Variants in CLRN2 observed in about 807,000 individuals in gnomAD.
CLRN2 encodes the protein clarin 2, also known as clarin-2.
In CLRN2, 17 loss-of-function variants were observed where a neutral mutation model predicts 20.1. The ratio of observed to expected loss-of-function variants is 0.85; its 90% CI spans 0.58 to 1.27. The LOEUF (loss-of-function observed/expected upper bound fraction) is 1.27. Among genes scored for constraint, CLRN2 ranks in the 50% most tolerant of loss-of-function variants. The pLI is 0.00. For synonymous variants in CLRN2, 140 were observed against 126.9 expected, an observed-to-expected ratio of 1.10 and a Z score of -0.70; for missense variants, 288 against 299.5, an observed-to-expected ratio of 0.96 and a Z score of 0.28.
intron 1 of CLRN2, among the ~76,000 whole-genome samples, chr4:17,515,857 C>A (rs996645056): frequency 2.0e-5 from 3 of 152,192 alleles, no homozygotes; most frequent in Admixed American, 2.0e-4. Context: ...TAAAGCCTTA[C>A]AACAAAGTTA....
At chr4:17,522,115 T>G (rs1272721142) in intron 1 of CLRN2, among the ~76,000 whole-genome samples, 1 of 152,222 alleles carries the variant, frequency 6.6e-6, no homozygotes, top group Non-Finnish European at 1.5e-5. Context: ...GTTTATAAAA[T>G]CTACCTCATG....
intron 1 of CLRN2, among the ~76,000 whole-genome samples, chr4:17,517,415 C>G (rs1711705881): frequency 6.6e-6 from 1 of 152,110 alleles, no homozygotes; most frequent in South Asian, 2.1e-4. Flanking sequence ...TTCTGAACCC[C>G]AACAGGTAAA....
chr4:17,526,982 C>A lies in CLRN2; in HGVS notation c.599C>A (p.Ala200Asp), dbSNP rs1452865323. ...TGCGTGGCCAGCGCTTCGGCCCATG[C>A]TGCAAACTTGGTCGTGGTGGCGATC... The part of the protein sequence containing the change: ...WICVASASAH[A>D]ANLVVVAISQ... Residue 200 changes from alanine to aspartate, a missense_variant, in exon 3 of 3, where the codon GCT becomes GAT. Physicochemically the swap from Ala to Asp is moderately radical, Grantham distance 126 (BLOSUM62 -2). Coordinates refer to ENST00000511148, the MANE Select transcript of CLRN2 (RefSeq NM_001079827.2). The A allele has an allele frequency of 1.2e-6, 2 of 1,614,030 alleles. No homozygotes were observed. Among genetic ancestry groups the A allele is most frequent in the Admixed American group, 1.7e-5 (1 of 60,026 alleles).
chr4:17,525,417 C>T (rs1560323816), intron 2 of CLRN2, among the ~76,000 whole-genome samples: 1 of 152,124 alleles, frequency 6.6e-6, no homozygotes, highest in Non-Finnish European at 1.5e-5. Context: ...AGCAGGATTG[C>T]TTGAGCTCAG....
intron 1 of CLRN2, among the ~76,000 whole-genome samples, chr4:17,516,266 A>T (rs929216352): frequency 9.9e-5 from 15 of 152,204 alleles, no homozygotes; most frequent in African/African-American, 3.6e-4. Flanking sequence ...GCTGCCCAGG[A>T]TGTAAGCAGA....
chr4:17,515,359 C>T lies in CLRN2; in HGVS notation c.93C>T (p.Pro31=). 1 of 1,613,968 alleles carries T rather than the reference C, an allele frequency of 6.2e-7. No homozygotes were observed. Among genetic ancestry groups the T allele is most frequent in the Non-Finnish European group, 8.5e-7 (1 of 1,179,898 alleles). ...TGATCATCGTTGCCCTGGTAGTGCC[C>T]CACTGGCTGAGTGGGAAAATCCTTT... The part of the protein sequence containing the change: ...FILIIVALVV[P]HWLSGKILCQ... Residue 31 remains proline (P), a synonymous_variant, in exon 1 of 3, where the codon CCC becomes CCT. Coordinates refer to ENST00000511148, the MANE Select transcript of CLRN2 (RefSeq NM_001079827.2).
intron 1 of CLRN2, among the ~76,000 whole-genome samples, chr4:17,520,399 T>A (rs1008271499): frequency 3.9e-5 from 6 of 152,248 alleles, no homozygotes; most frequent in African/African-American, 1.4e-4. Flanking sequence ...CTGTTTTTTC[T>A]CCAATCTTTT....
At chr4:17,522,717 A>G in intron 1 of CLRN2, 147 bp from the exon 2 acceptor site, 1 of 752,186 alleles carries the variant, frequency 1.3e-6, no homozygotes, top group Non-Finnish European at 2.2e-6. Context: ...AGTTCATCTC[A>G]GAAAGTCTCC....
At chr4:17,525,316 G>A (rs1446542286) in intron 2 of CLRN2, among the ~76,000 whole-genome samples, 1 of 152,102 alleles carries the variant, frequency 6.6e-6, no homozygotes, top group African/African-American at 2.4e-5. Context: ...AGTGTGTAGT[G>A]CATAAAATAC....
intron 2 of CLRN2, among the ~76,000 whole-genome samples, 187 bp from the exon 3 acceptor site, chr4:17,526,630 G>C (rs1034125231): frequency 6.6e-6 from 1 of 152,160 alleles, no homozygotes; most frequent in South Asian, 2.1e-4. Flanking sequence ...CTCTTTCCCC[G>C]CACAATCCTG....
intron 2 of CLRN2, among the ~76,000 whole-genome samples, chr4:17,526,329 G>T (rs531835906): frequency 6.6e-6 from 1 of 152,314 alleles, no homozygotes; most frequent in African/African-American, 2.4e-5. Flanking sequence ...GGAGGCCAAG[G>T]TGAATGGATC....
In CLRN2 at chr4:17,521,899, G is replaced by A. The variant is rs1711844432; in HGVS notation, c.254-965G>A. ...TGGGTTTTCAAGGAACTCAGAAGAT[G>A]CGTGTGACCCCCTAGTCAGTAAATG... On this transcript the variant is annotated intron_variant, in intron 1 of 2. Coordinates refer to ENST00000511148, the MANE Select transcript of CLRN2 (RefSeq NM_001079827.2). 2.0e-5 allele frequency among the ~76,000 whole-genome samples: 3 copies of A among 152,202 alleles called. No homozygotes were observed. In the South Asian group the frequency reaches 6.2e-4, roughly 32 times the overall value.
At chr4:17,519,863 T>C (rs1711791399) in intron 1 of CLRN2, among the ~76,000 whole-genome samples, 2 of 152,158 alleles carry the variant, frequency 1.3e-5, no homozygotes, top group African/African-American at 2.4e-5. Context: ...TTCTACTTTT[T>C]TCTTCTTTTT....
At chr4:17,526,649 C>G (rs992255941) in intron 2 of CLRN2, among the ~76,000 whole-genome samples, 168 bp from the exon 3 acceptor site, 1 of 152,218 alleles carries the variant, frequency 6.6e-6, no homozygotes, top group Non-Finnish European at 1.5e-5. Context: ...TGCCTTTCTC[C>G]TTCATACTGT....
Position 17,515,359 on chromosome 4 carries a change from C to G in CLRN2, c.93C>G (p.Pro31=), listed in dbSNP as rs1371359105. ...FILIIVALVV[P]HWLSGKILCQ... is the part of the protein sequence containing the mutation. The stretch of plus-strand genomic sequence containing the variant: ...TGATCATCGTTGCCCTGGTAGTGCC[C>G]CACTGGCTGAGTGGGAAAATCCTTT... Residue 31 remains proline (P), a synonymous_variant, in exon 1 of 3, where the codon CCC becomes CCG. Transcript: ENST00000511148. The G allele has an allele frequency of 5.6e-6, 9 of 1,613,968 alleles. No individual in the cohort carries two copies. Among genetic ancestry groups the G allele is most frequent in the Non-Finnish European group, 6.8e-6 (8 of 1,179,898 alleles).
At chr4:17,520,859 A>G (rs1711823354) in intron 1 of CLRN2, among the ~76,000 whole-genome samples, 1 of 152,138 alleles carries the variant, frequency 6.6e-6, no homozygotes, top group South Asian at 2.1e-4. Flanking sequence ...CCCTGCTAAA[A>G]ATGCAAAAAT....
At chr4:17,515,577 A>C in intron 1 of CLRN2, 58 bp downstream of exon 1, 1 of 1,577,128 alleles carries the variant, frequency 6.3e-7, no homozygotes, top group Non-Finnish European at 8.6e-7. Flanking sequence ...TTAATGTGTA[A>C]GAGTGCTTAT....
At chr4:17,517,869 C>T (rs963208648) in intron 1 of CLRN2, among the ~76,000 whole-genome samples, 1 of 152,162 alleles carries the variant, frequency 6.6e-6, no homozygotes, top group Non-Finnish European at 1.5e-5. Flanking sequence ...CCAGGTTCCT[C>T]CTGTGCTTGG....
chr4:17,521,392 G>A (rs747901976), intron 1 of CLRN2, among the ~76,000 whole-genome samples: 1 of 152,208 alleles, frequency 6.6e-6, no homozygotes, highest in Non-Finnish European at 1.5e-5. Context: ...AGAGAGGCAG[G>A]TGAACCAGCA....
Sources: allele counts gnomAD v4.1 joint callset (sites outside exome capture counted in the v4.1 genomes callset), GRCh38; gene constraint gnomAD v4.1.1; transcripts MANE v1.5; gene names NCBI Gene and HGNC (gene_info 2026-07-23, HGNC 2026-07-21).